The following CSDC2 variants were observed in gnomAD, a reference collection of about 807,000 sequenced individuals.
CSDC2 encodes the protein cold shock domain-containing protein C2.
In CSDC2, 8 loss-of-function variants were observed where a neutral mutation model predicts 15.8. The ratio of observed to expected loss-of-function variants is 0.51; its 90% CI spans 0.30 to 0.92. CSDC2 has a LOEUF of 0.92. Among genes scored for constraint, CSDC2 ranks in the 40% least tolerant of loss-of-function variants. The probability of loss-of-function intolerance (pLI) is 0.07; values close to 1 mark genes in which losing one functional copy is unlikely to be tolerated. For missense variants in CSDC2, 195 were observed against 213.3 expected (o/e 0.91, Z 0.53); for synonymous variants, 96 against 92.3 (o/e 1.04, Z -0.23).
chr22:41,568,896 A>T (rs2067130485), intron 1 of CSDC2, among the ~76,000 whole-genome samples: 1 of 152,202 alleles, frequency 6.6e-6, no homozygotes, highest in Admixed American at 6.5e-5. Context: ...GAGGCCCTGG[A>T]GCCGCACAGT....
intron 2 of CSDC2, among the ~76,000 whole-genome samples, chr22:41,572,729 C>T (rs1277237198): frequency 6.6e-6 from 1 of 152,154 alleles, no homozygotes; most frequent in Non-Finnish European, 1.5e-5. Flanking sequence ...CGATTCTGGG[C>T]AGATGGTACA....
intron 1 of CSDC2, among the ~76,000 whole-genome samples, chr22:41,561,935 C>T (rs1286769401): frequency 6.6e-6 from 1 of 152,178 alleles, no homozygotes; most frequent in Non-Finnish European, 1.5e-5. Flanking sequence ...AATGGCCTGA[C>T]CCTGGCACAA....
At position 41,563,439 on chromosome 22, in the gene CSDC2, C is replaced by T. The variant is rs182831325; in HGVS notation, c.-124+2256C>T. Among the ~76,000 whole-genome samples, 983 of 152,246 alleles carry T rather than the reference C, an allele frequency of 6.5e-3. 10 individuals are homozygous for T. The highest frequency in any genetic ancestry group is 9.0e-3 in the Non-Finnish European group (612 of 68,006). On this transcript the variant is annotated intron_variant, in intron 1 of 3. Transcript: ENST00000306149. ...CCCGTCCTTTCTATTTTTAAACCAC[C>T]GTACCCATTCCTCCCATCTGCTCCC...
intron 1 of CSDC2, among the ~76,000 whole-genome samples, chr22:41,566,302 G>A (rs2067113796): frequency 6.6e-6 from 1 of 151,812 alleles, no homozygotes; most frequent in Admixed American, 6.6e-5. Context: ...AAATTAGCTG[G>A]GCGTGGTGGC....
At chr22:41,571,735 G>A (rs1440803496) in intron 1 of CSDC2, 108 bp from the exon 2 acceptor site, 7 of 376,678 alleles carry the variant, frequency 1.9e-5, no homozygotes, top group Non-Finnish European at 3.3e-5. Flanking sequence ...GTGACTTGAA[G>A]TAACGCCGTG....
chr22:41,573,538 T>G, intron 2 of CSDC2, 117 bp from the exon 3 acceptor site: 2 of 1,253,704 alleles, frequency 1.6e-6, no homozygotes, highest in Non-Finnish European at 2.2e-6. Context: ...GTTTCTGGCC[T>G]GGGTCAAGTT....
chr22:41,567,041 G>T (rs1480625149), intron 1 of CSDC2, among the ~76,000 whole-genome samples: 1 of 152,174 alleles, frequency 6.6e-6, no homozygotes, highest in Non-Finnish European at 1.5e-5. Flanking sequence ...GTTCTGAAGG[G>T]CATTATTCCT....
rs372792554 is a variant in CSDC2, at chr22:41,572,092, C to G, written c.127C>G (p.Arg43Gly). 7.4e-7 allele frequency: 1 copy of G among 1,358,554 alleles called. No individual in the cohort carries two copies. The highest frequency in any genetic ancestry group is 9.5e-7 in the Non-Finnish European group (1 of 1,051,042). 84.2% of individuals were successfully genotyped at this position (1,358,554 alleles called of 1,614,324 possible). The change falls in exon 2 of 4, where the codon CGG becomes GGG. Residue 43 changes from arginine to glycine, a missense_variant. Physicochemically the swap from Arg to Gly is moderately radical, Grantham distance 125. Coordinates refer to ENST00000306149, the MANE Select transcript of CSDC2 (RefSeq NM_014460.4). ...RVWERGGVPP[R>G]DLPSPLPTKR... is the part of the protein sequence containing the mutation. ...CTGGGAGCGGGGTGGTGTCCCACCTCGGGACCTACCCAGCCCTCTGCCCAC... is the reference window on the plus strand; with the variant it reads ...CTGGGAGCGGGGTGGTGTCCCACCTGGGGACCTACCCAGCCCTCTGCCCAC...
rs1282264299 is a variant in CSDC2 at position 41,573,764 on chromosome 22, G to A, written c.286G>A (p.Val96Ile). The A allele has an allele frequency of 5.6e-6, 9 of 1,613,070 alleles. No homozygotes were observed. The highest frequency in any genetic ancestry group is 7.6e-6 in the Non-Finnish European group (9 of 1,179,484). Residue 96 changes from valine (V) to isoleucine (I), a missense_variant, in exon 3 of 4, where the codon GTA becomes ATA. Val to Ile is a conservative substitution (Grantham distance 29, BLOSUM62 3). Transcript: ENST00000306149. Reference sequence around the variant, plus strand: ...CGAGAACGGGTCCGAGGACATCTTCGTACATGTGTCTGAGTGAGTCCCCTC... The same window carrying A: ...CGAGAACGGGTCCGAGGACATCTTCATACATGTGTCTGAGTGAGTCCCCTC... The part of the protein sequence containing the change: ...TPENGSEDIF[V>I]HVSDIEGEYV...
Position 41,574,974 on chromosome 22 carries a change from C to T in CSDC2, c.*79C>T. 2 of 1,480,598 alleles carry T rather than the reference C, an allele frequency of 1.4e-6. No individual in the cohort carries two copies. The highest frequency in any genetic ancestry group is 4.1e-5 in the Admixed American group (2 of 49,216). The allele number at this position is 1,480,598 out of a possible 1,614,324, so 91.7% of individuals were successfully genotyped here. A position where few individuals can be genotyped will look rare whatever the true frequency, so the allele number is the denominator to read the frequency against. On this transcript the variant is annotated 3_prime_UTR_variant, in exon 4 of 4. Coordinates refer to ENST00000306149, the MANE Select transcript of CSDC2 (RefSeq NM_014460.4). ...ACGGGCAGCAGCCGGCTCCATGCCC[C>T]ACTGCCCTGGCTGATGAGTCCTTCG...
At chr22:41,566,097 G>C (rs1210536040) in intron 1 of CSDC2, among the ~76,000 whole-genome samples, 1 of 150,434 alleles carries the variant, frequency 6.6e-6, no homozygotes, top group African/African-American at 2.5e-5. Flanking sequence ...CTGCAGTCAG[G>C]AGTTCGAGAC....
chr22:41,571,608 C>T (rs2067145451), intron 1 of CSDC2, among the ~76,000 whole-genome samples: 1 of 152,224 alleles, frequency 6.6e-6, no homozygotes, highest in Non-Finnish European at 1.5e-5. Context: ...CCTACCCAGC[C>T]ACCTCCCAGG....
intron 1 of CSDC2, among the ~76,000 whole-genome samples, chr22:41,562,643 G>A (rs552561178): frequency 3.9e-5 from 6 of 152,258 alleles, no homozygotes; most frequent in East Asian, 1.9e-4. Flanking sequence ...GGTAGAGGGC[G>A]CTCAGGACCT....
chr22:41,571,452 C>T (rs2145600345), intron 1 of CSDC2, among the ~76,000 whole-genome samples: 1 of 152,288 alleles, frequency 6.6e-6, no homozygotes, highest in East Asian at 1.9e-4. Context: ...CCCATACTCC[C>T]ACCTGCCATG....
At chr22:41,574,682 C>T (rs767708858) in intron 3 of CSDC2, 51 bp from the exon 4 acceptor site, 1 of 1,595,092 alleles carries the variant, frequency 6.3e-7, no homozygotes, top group Non-Finnish European at 8.5e-7. Flanking sequence ...ACAGGATTGT[C>T]TGGGGCACAG....
intron 1 of CSDC2, among the ~76,000 whole-genome samples, chr22:41,570,775 T>A (rs1465214351): frequency 7.1e-6 from 1 of 141,096 alleles, no homozygotes; most frequent in Non-Finnish European, 1.5e-5. Context: ...TGAGCCGAGA[T>A]CACACCACTG....
rs1212312014 is a variant in CSDC2 at position 41,573,772 on chromosome 22, G to A, written c.294G>A (p.Val98=). The A allele has an allele frequency of 1.9e-6, 3 of 1,611,982 alleles. No individual in the cohort carries two copies. Among genetic ancestry groups the A allele is most frequent in the African/African-American group, 1.3e-5 (1 of 74,918 alleles). The change falls in exon 3 of 4, where the codon GTG becomes GTA. Residue 98 remains valine, a synonymous_variant. Transcript: ENST00000306149. ...GGTCCGAGGACATCTTCGTACATGTGTCTGAGTGAGTCCCCTCCACCTCCC... is the reference window on the plus strand; with the variant it reads ...GGTCCGAGGACATCTTCGTACATGTATCTGAGTGAGTCCCCTCCACCTCCC... ...ENGSEDIFVH[V]SDIEGEYVPV... is the part of the protein sequence containing the mutation.
intron 1 of CSDC2, among the ~76,000 whole-genome samples, chr22:41,567,539 G>A (rs555167153): frequency 2.6e-5 from 4 of 152,360 alleles, no homozygotes; most frequent in East Asian, 1.9e-4. Context: ...GGGTTGCTCC[G>A]TATCTCCATC....
chr22:41,571,251 G>C (rs1399830546), intron 1 of CSDC2, among the ~76,000 whole-genome samples: 1 of 152,144 alleles, frequency 6.6e-6, no homozygotes, highest in Non-Finnish European at 1.5e-5. Flanking sequence ...CTACTCAGGA[G>C]GCTGAGGCAG....
Sources: allele counts gnomAD v4.1 joint callset (sites outside exome capture counted in the v4.1 genomes callset), GRCh38; gene constraint gnomAD v4.1.1; transcripts MANE v1.5; gene names NCBI Gene and HGNC (gene_info 2026-07-23, HGNC 2026-07-21).